Variants in PIP5K1B observed in about 807,000 individuals in gnomAD.
PIP5K1B encodes phosphatidylinositol-4-phosphate 5-kinase type 1 beta, also known as phosphatidylinositol 4-phosphate 5-kinase type-1 beta.
A neutral mutation model predicts 67.0 loss-of-function variants in PIP5K1B; 42 were observed. The ratio of observed to expected loss-of-function variants is 0.63; its 90% CI spans 0.49 to 0.81. PIP5K1B has a LOEUF of 0.81. Ranked by LOEUF, PIP5K1B falls within the 30% of genes least tolerant of loss-of-function variation. PIP5K1B has a pLI of 0.00. For missense variants in PIP5K1B, 459 were observed against 646.3 expected, an observed-to-expected ratio of 0.71 and a Z score of 3.14; for synonymous variants, 214 against 231.4, an observed-to-expected ratio of 0.92 and a Z score of 0.68.
At chr9:68,822,363 C>A in intron 3 of PIP5K1B, 1 of 336,624 alleles carries the variant, frequency 3.0e-6, no homozygotes, top group Non-Finnish European at 5.4e-6. Context: ...AACTTATACA[C>A]ATGTACATGC....
intron 1 of PIP5K1B, among the ~76,000 whole-genome samples, chr9:68,739,683 A>G (rs1828908815): frequency 6.6e-6 from 1 of 152,000 alleles, no homozygotes. Flanking sequence ...AGCTCCTTCC[A>G]CTGAGAATTC....
At chr9:68,851,566 C>T (rs1382165507) in intron 4 of PIP5K1B, among the ~76,000 whole-genome samples, 2 of 152,116 alleles carry the variant, frequency 1.3e-5, no homozygotes, top group East Asian at 1.9e-4. Context: ...CGGGAGTAAC[C>T]GGTTTTAGCT....
intron 6 of PIP5K1B, among the ~76,000 whole-genome samples, chr9:68,886,154 G>A (rs1239641856): frequency 6.6e-6 from 1 of 152,022 alleles, no homozygotes; most frequent in African/African-American, 2.4e-5. Context: ...ACTCCAGCCT[G>A]GGTGTCAGAG....
chr9:68,788,760 T>C (rs1430858880), intron 2 of PIP5K1B: 2 of 266,958 alleles, frequency 7.5e-6, no homozygotes, highest in Non-Finnish European at 1.5e-5. Context: ...CTCTGTGGTC[T>C]TCCCCATTGC....
At chr9:68,922,695 G>A (rs1188026014) in intron 11 of PIP5K1B, among the ~76,000 whole-genome samples, 1 of 152,102 alleles carries the variant, frequency 6.6e-6, no homozygotes, top group Admixed American at 6.5e-5. Context: ...TGCCAAGCAT[G>A]AGAGAAGAAT....
intron 8 of PIP5K1B, among the ~76,000 whole-genome samples, chr9:68,896,970 A>T (rs192289700): frequency 6.6e-6 from 1 of 152,206 alleles, no homozygotes; most frequent in East Asian, 1.9e-4. Flanking sequence ...CCCTTCCTAG[A>T]GTTACCTCTC....
At chr9:68,858,194 G>C (rs1822881614) in intron 4 of PIP5K1B, among the ~76,000 whole-genome samples, 1 of 152,142 alleles carries the variant, frequency 6.6e-6, no homozygotes, top group South Asian at 2.1e-4. Context: ...GGCTGGTCTT[G>C]AACTCCTGAC....
chr9:69,003,460 T>C (rs1340726669), intron 15 of PIP5K1B, among the ~76,000 whole-genome samples: 1 of 103,270 alleles, frequency 9.7e-6, no homozygotes, highest in African/African-American at 4.0e-5. Flanking sequence ...CTGAGGTAAT[T>C]ATAGTTAAAA....
intron 2 of PIP5K1B, among the ~76,000 whole-genome samples, chr9:68,766,349 T>A (rs1003571240): frequency 2.0e-5 from 3 of 152,158 alleles, no homozygotes; most frequent in Non-Finnish European, 4.4e-5. Flanking sequence ...CACTTCTACT[T>A]TGAATAATCT....
At chr9:68,905,263 G>T (rs1316342625) in intron 8 of PIP5K1B, among the ~76,000 whole-genome samples, 1 of 152,168 alleles carries the variant, frequency 6.6e-6, no homozygotes, top group Non-Finnish European at 1.5e-5. Flanking sequence ...GAAAGCTATG[G>T]CAGGAAGGGG....
chr9:68,936,445 G>T (rs1158940636), intron 13 of PIP5K1B, among the ~76,000 whole-genome samples: 1 of 151,440 alleles, frequency 6.6e-6, no homozygotes, highest in Non-Finnish European at 1.5e-5. Context: ...TTAATCATTT[G>T]TTTTTTCCCT....
chr9:68,720,201 C>A lies in PIP5K1B; in HGVS notation c.-243+14439C>A, dbSNP rs147078952. On this transcript the variant is annotated intron_variant, in intron 1 of 15. Coordinates refer to ENST00000265382, the MANE Select transcript of PIP5K1B (RefSeq NM_003558.4). ...TTTTCCCTTGACTTCTGAGCTCCCC[C>A]TTCCTTTACAAAATTTCAGTAGCCT... 3.3e-5 allele frequency among the ~76,000 whole-genome samples: 5 copies of A among 152,320 alleles called. No homozygotes were observed. In the East Asian group the frequency reaches 9.6e-4, roughly 29 times the overall value.
intron 2 of PIP5K1B, among the ~76,000 whole-genome samples, chr9:68,787,252 C>T (rs993670296): frequency 3.3e-5 from 5 of 152,172 alleles, no homozygotes; most frequent in African/African-American, 9.7e-5. Context: ...TTCTCACTGA[C>T]GATGAGACCC....
intron 4 of PIP5K1B, among the ~76,000 whole-genome samples, chr9:68,838,733 C>CTAAAATAAAA (rs1203938812): frequency 3.3e-5 from 5 of 152,064 alleles, no homozygotes; most frequent in African/African-American, 1.2e-4. Context: ...GCACTTGTAC[C>CTAAAATAAAA]CCTGAATCTA....
intron 4 of PIP5K1B, among the ~76,000 whole-genome samples, chr9:68,837,374 C>T (rs1266940865): frequency 2.0e-5 from 3 of 152,168 alleles, no homozygotes; most frequent in Non-Finnish European, 4.4e-5. Context: ...AGCACTGCTC[C>T]TTTAAAAATG....
chr9:68,886,651 C>T (rs1361473170), intron 6 of PIP5K1B, among the ~76,000 whole-genome samples: 1 of 152,192 alleles, frequency 6.6e-6, no homozygotes, highest in East Asian at 1.9e-4. Context: ...CTTTTATCCG[C>T]GGAACCAGGA....
Position 68,913,698 on chromosome 9 carries a change from A to G in PIP5K1B, c.772-3850A>G, listed in dbSNP as rs180702299. ...CCAGCTTTCCACATATGGGGATAGA[A>G]TTTCTTTTTTTAAGCCTTCCACACT... On this transcript the variant is annotated intron_variant, in intron 8 of 15. Coordinates refer to ENST00000265382, the MANE Select transcript of PIP5K1B (RefSeq NM_003558.4). Among the ~76,000 whole-genome samples, 704 of 152,258 alleles carry G rather than the reference A, an allele frequency of 4.6e-3. 1 individual carries two copies. Among genetic ancestry groups the G allele is most frequent in the Non-Finnish European group, 7.5e-3 (512 of 68,012 alleles).
chr9:68,964,592 C>T (rs1828924608), intron 14 of PIP5K1B, among the ~76,000 whole-genome samples: 1 of 152,178 alleles, frequency 6.6e-6, no homozygotes, highest in African/African-American at 2.4e-5. Flanking sequence ...GAGAATTCTT[C>T]TCCCCAAGAA....
At chr9:68,929,495 C>G (rs77942297) in intron 12 of PIP5K1B, among the ~76,000 whole-genome samples, 9 of 152,238 alleles carry the variant, frequency 5.9e-5, no homozygotes, top group Non-Finnish European at 1.2e-4. Flanking sequence ...TTCACTGTCA[C>G]CCTATTGGAG....
Sources: gnomAD v4.1 joint callset for allele counts (sites outside exome capture counted in the v4.1 genomes callset) on GRCh38, gnomAD v4.1.1 for gene constraint, MANE v1.5 for transcripts, NCBI Gene and HGNC (gene_info 2026-07-23, HGNC 2026-07-21) for gene names.